ZFPM2: variants seen among roughly 807,000 people sequenced by gnomAD.
The protein encoded by ZFPM2 is zinc finger protein ZFPM2.
Under a neutral mutation model 98.6 loss-of-function variants are expected in ZFPM2, and 20 were observed. The ratio of observed to expected loss-of-function variants is 0.20; its 90% CI spans 0.14 to 0.29. ZFPM2 has a LOEUF of 0.29. Ranked by LOEUF, ZFPM2 falls within the 10% of genes least tolerant of loss-of-function variation. The pLI, the probability that ZFPM2 is intolerant of heterozygous loss-of-function variation, is 1.00. For synonymous variants in ZFPM2, 518 were observed against 502.7 expected (o/e 1.03, Z -0.41); for missense variants, 1,310 against 1,388.6 (o/e 0.94, Z 0.90).
intron 5 of ZFPM2, among the ~76,000 whole-genome samples, chr8:105,663,097 A>G (rs558178127): frequency 1.3e-4 from 20 of 152,338 alleles, no homozygotes; most frequent in African/African-American, 4.6e-4. Flanking sequence ...TATTATTACC[A>G]TGAGAAGTAC....
At chr8:105,388,197 A>AT (rs1386525596) in intron 1 of ZFPM2, among the ~76,000 whole-genome samples, 48 of 152,318 alleles carry the variant, frequency 3.2e-4, no homozygotes, top group African/African-American at 9.4e-4. Context: ...ACATGTGCAT[A>AT]TGAATGTGCA....
chr8:105,742,224 T>A lies in ZFPM2; in HGVS notation c.533-46494T>A, dbSNP rs182474709. On this transcript the variant is annotated intron_variant, in intron 5 of 7. Coordinates refer to ENST00000407775, the MANE Select transcript of ZFPM2 (RefSeq NM_012082.4). ...TGAGACTCTCCACAAAACAAAAAAA[T>A]TTAAAAAGCTGTGCATGGTGGCGCA... Among the ~76,000 whole-genome samples the A allele has an allele frequency of 1.2e-4, 18 of 151,338 alleles. No homozygotes were observed. The East Asian group carries it at 3.0e-3, about 25-fold the overall frequency.
intron 5 of ZFPM2, among the ~76,000 whole-genome samples, chr8:105,731,752 T>C (rs1300809722): frequency 6.6e-6 from 1 of 151,778 alleles, no homozygotes; most frequent in Non-Finnish European, 1.5e-5. Flanking sequence ...TATTGTAATT[T>C]AATGTCCAGA....
At chr8:105,582,139 G>A (rs527608799) in intron 4 of ZFPM2, among the ~76,000 whole-genome samples, 1 of 152,318 alleles carries the variant, frequency 6.6e-6, no homozygotes, top group South Asian at 2.1e-4. Context: ...CAAAAGCACA[G>A]AATGAGGTCT....
intron 5 of ZFPM2, among the ~76,000 whole-genome samples, chr8:105,645,659 C>T (rs1221131278): frequency 6.6e-6 from 1 of 152,102 alleles, no homozygotes. Flanking sequence ...AGCCTACACC[C>T]AGAAGCCAAA....
chr8:105,561,288 C>A, intron 3 of ZFPM2, 75 bp from the exon 4 acceptor site: 2 of 1,117,548 alleles, frequency 1.8e-6, no homozygotes, highest in Non-Finnish European at 1.3e-6. Context: ...GTGTGTAAAG[C>A]AAACACACAA....
chr8:105,795,761 C>T (rs772305890), intron 6 of ZFPM2: 3 of 468,736 alleles, frequency 6.4e-6, no homozygotes, highest in African/African-American at 2.0e-5. Context: ...CACAGAATGA[C>T]ACTTCATATG....
intron 3 of ZFPM2, among the ~76,000 whole-genome samples, chr8:105,551,622 T>C (rs1814855217): frequency 6.6e-6 from 1 of 152,174 alleles, no homozygotes; most frequent in African/African-American, 2.4e-5. Context: ...TATTTTTCCC[T>C]TGTCATTTAT....
At chr8:105,572,621 C>G (rs1815383077) in intron 4 of ZFPM2, among the ~76,000 whole-genome samples, 1 of 152,088 alleles carries the variant, frequency 6.6e-6, no homozygotes, top group African/African-American at 2.4e-5. Context: ...GCATGTATCA[C>G]TATGCCTGGC....
intron 3 of ZFPM2, among the ~76,000 whole-genome samples, chr8:105,481,766 C>G (rs568289882): frequency 6.6e-6 from 1 of 151,998 alleles, no homozygotes; most frequent in African/African-American, 2.4e-5. Context: ...GACAGCAACC[C>G]CTTTATTAGA....
chr8:105,699,280 A>G (rs1726520667), intron 5 of ZFPM2, among the ~76,000 whole-genome samples: 1 of 152,114 alleles, frequency 6.6e-6, no homozygotes, highest in African/African-American at 2.4e-5. Context: ...CTCCTATTCT[A>G]ATAAATCTGT....
chr8:105,385,527 C>T (rs919176848), intron 1 of ZFPM2, among the ~76,000 whole-genome samples: 3 of 152,166 alleles, frequency 2.0e-5, no homozygotes, highest in Admixed American at 2.0e-4. Flanking sequence ...CTGCTCTATC[C>T]CAACTTTCCC....
chr8:105,645,544 T>C (rs1373109297), intron 5 of ZFPM2, among the ~76,000 whole-genome samples: 1 of 152,204 alleles, frequency 6.6e-6, no homozygotes, highest in Non-Finnish European at 1.5e-5. Flanking sequence ...AGCAGGCCAC[T>C]GTCAACTAAA....
At chr8:105,420,487 C>A (rs1321254188) in intron 2 of ZFPM2, among the ~76,000 whole-genome samples, 1 of 152,100 alleles carries the variant, frequency 6.6e-6, no homozygotes, top group African/African-American at 2.4e-5. Context: ...CCTGGACACA[C>A]TGAAATTCAA....
At chr8:105,390,745 G>A (rs1811091410) in intron 1 of ZFPM2, among the ~76,000 whole-genome samples, 1 of 152,078 alleles carries the variant, frequency 6.6e-6, no homozygotes, top group Admixed American at 6.6e-5. Context: ...TAATGAAAAT[G>A]GAGAGACAGA....
At position 105,752,090 on chromosome 8, in the gene ZFPM2, A is replaced by T. The variant is rs556204505; in HGVS notation, c.533-36628A>T. On this transcript the variant is annotated intron_variant, in intron 5 of 7. Coordinates refer to ENST00000407775, the MANE Select transcript of ZFPM2 (RefSeq NM_012082.4). ...TACATTATAACCCACTGAAGATTTT[A>T]TTTTTTTCATTTCAGTAGCCATTAT... Among the ~76,000 whole-genome samples, 269 of 151,942 alleles carry T rather than the reference A, an allele frequency of 1.8e-3. 2 individuals are homozygous for T. Among genetic ancestry groups the T allele is most frequent in the Non-Finnish European group, 2.4e-3 (164 of 67,946 alleles).
At chr8:105,355,007 C>T (rs1318919607) in intron 1 of ZFPM2, among the ~76,000 whole-genome samples, 1 of 152,060 alleles carries the variant, frequency 6.6e-6, no homozygotes, top group South Asian at 2.1e-4. Context: ...ATCAAATGTT[C>T]TAAAGTTTCT....
intron 5 of ZFPM2, among the ~76,000 whole-genome samples, chr8:105,744,820 G>A (rs1812306504): frequency 6.6e-6 from 1 of 152,106 alleles, no homozygotes; most frequent in Non-Finnish European, 1.5e-5. Context: ...GCTAGAATAA[G>A]GACAGGAAAA....
intron 5 of ZFPM2, among the ~76,000 whole-genome samples, chr8:105,691,731 C>A (rs551559872): frequency 1.3e-5 from 2 of 152,186 alleles, no homozygotes; most frequent in Admixed American, 6.5e-5. Flanking sequence ...GAGGTGTGAA[C>A]CCTGTGAGGG....
Sources: allele counts gnomAD v4.1 joint callset (sites outside exome capture counted in the v4.1 genomes callset), GRCh38; gene constraint gnomAD v4.1.1; transcripts MANE v1.5; gene names NCBI Gene and HGNC (gene_info 2026-07-23, HGNC 2026-07-21).